MSI2: variants seen among roughly 807,000 people sequenced by gnomAD.
MSI2 encodes RNA-binding protein Musashi homolog 2.
MSI2 carries 17 observed loss-of-function variants against 45.6 expected under a neutral mutation model. The observed-to-expected ratio is 0.37, with a 90% CI of 0.26 to 0.56. The LOEUF (loss-of-function observed/expected upper bound fraction) is 0.56, where lower values mean the gene tolerates loss of function less well. Among genes scored for constraint, MSI2 ranks in the 20% least tolerant of loss-of-function variants. The pLI is 0.77. For missense variants in MSI2, 293 were observed against 444.2 expected, an observed-to-expected ratio of 0.66 and a Z score of 3.06; for synonymous variants, 156 against 158.2, an observed-to-expected ratio of 0.99 and a Z score of 0.11.
intron 5 of MSI2, among the ~76,000 whole-genome samples, chr17:57,396,812 C>T (rs1400890320): frequency 6.6e-6 from 1 of 152,186 alleles, no homozygotes; most frequent in African/African-American, 2.4e-5. Context: ...CACACACGCA[C>T]ACATGCACAC....
chr17:57,350,225 G>GGTGGGTGTGT (rs1555584687), intron 5 of MSI2, among the ~76,000 whole-genome samples: 6 of 146,638 alleles, frequency 4.1e-5, no homozygotes, highest in African/African-American at 1.5e-4. Context: ...CAGAGGTAGG[G>GGTGGGTGTGT]GTGTGTGTGT....
At chr17:57,476,804 C>G (rs1432292897) in intron 6 of MSI2, among the ~76,000 whole-genome samples, 1 of 152,170 alleles carries the variant, frequency 6.6e-6, no homozygotes, top group African/African-American at 2.4e-5. Flanking sequence ...CACAGAGGCT[C>G]CGTCATTTGT....
intron 10 of MSI2, chr17:57,633,050 G>C: frequency 2.9e-6 from 3 of 1,041,480 alleles, no homozygotes; most frequent in Non-Finnish European, 3.5e-6. Flanking sequence ...TAGTATGCTT[G>C]CCTCACAAAC....
the MSI2 span, among the ~76,000 whole-genome samples, chr17:57,691,422 T>C: frequency 6.6e-6 from 1 of 152,206 alleles, no homozygotes; most frequent in Non-Finnish European, 1.5e-5. Context: ...AGGGTTTTAA[T>C]TGTAATTGTG....
At chr17:57,482,717 A>G (rs1025840108) in intron 6 of MSI2, among the ~76,000 whole-genome samples, 1 of 152,090 alleles carries the variant, frequency 6.6e-6, no homozygotes, top group Non-Finnish European at 1.5e-5. Context: ...ACATGTATAG[A>G]TTCCCTGTTT....
intron 7 of MSI2, among the ~76,000 whole-genome samples, chr17:57,595,963 TG>T (rs1407244097): frequency 7.2e-5 from 11 of 152,356 alleles, no homozygotes; most frequent in Admixed American, 6.5e-4. Context: ...TCAGTGTGTC[TG>T]CCCCCATGGC....
At chr17:57,433,052 G>A (rs891535839) in intron 6 of MSI2, among the ~76,000 whole-genome samples, 9 of 152,092 alleles carry the variant, frequency 5.9e-5, no homozygotes, top group Admixed American at 1.3e-4. Context: ...CTCAGTTCAC[G>A]TCCGTGGGCC....
At chr17:57,610,409 G>T (rs182091168) in intron 8 of MSI2, among the ~76,000 whole-genome samples, 1 of 151,918 alleles carries the variant, frequency 6.6e-6, no homozygotes, top group African/African-American at 2.4e-5. Context: ...CTGAGGTCAC[G>T]CCACTGCACT....
intron 6 of MSI2, among the ~76,000 whole-genome samples, chr17:57,511,145 G>A (rs542238034): frequency 6.6e-6 from 1 of 152,344 alleles, no homozygotes; most frequent in African/African-American, 2.4e-5. Flanking sequence ...GAGGGGGTCA[G>A]CCAGCATGGT....
chr17:57,429,738 A>T (rs1244073624), intron 6 of MSI2, among the ~76,000 whole-genome samples: 7 of 1,940 alleles, frequency 3.6e-3, no homozygotes, highest in South Asian at 0.25. Flanking sequence ...AGATAATTAA[A>T]AAAAAAAAAA....
intron 5 of MSI2, among the ~76,000 whole-genome samples, chr17:57,347,664 C>T (rs1351103538): frequency 6.6e-6 from 1 of 152,120 alleles, no homozygotes; most frequent in African/African-American, 2.4e-5. Flanking sequence ...ATTTCTACCC[C>T]CCTGAAAGCA....
chr17:57,661,011 G>A (rs532766617), intron 11 of MSI2, among the ~76,000 whole-genome samples: 6 of 152,302 alleles, frequency 3.9e-5, no homozygotes, highest in East Asian at 3.9e-4. Flanking sequence ...GATTCAAGAC[G>A]CAGGACTGAG....
rs1292639087 is a variant in MSI2 at position 57,407,861 on chromosome 17, T to C, written c.405+6390T>C. On this transcript the variant is annotated intron_variant, in intron 6 of 13. Coordinates refer to ENST00000284073, the MANE Select transcript of MSI2 (RefSeq NM_138962.4). This position sits in a 1 kb window ranked among gnomAD's most constrained non-coding sequence, Gnocchi z 4.1. ...ATCTTCTGCCTGGTTTGTGTCAGCATCTCCCTCTGGAAGTGTGTCATAAGG... is the reference window on the plus strand; with the variant it reads ...ATCTTCTGCCTGGTTTGTGTCAGCACCTCCCTCTGGAAGTGTGTCATAAGG... Among the ~76,000 whole-genome samples, 1 of 152,206 alleles carries C rather than the reference T, an allele frequency of 6.6e-6. No individual in the cohort carries two copies. Among genetic ancestry groups the C allele is most frequent in the Admixed American group, 6.5e-5 (1 of 15,286 alleles).
chr17:57,598,259 A>T (rs2144466080), intron 8 of MSI2, among the ~76,000 whole-genome samples: 1 of 152,262 alleles, frequency 6.6e-6, no homozygotes, highest in Admixed American at 6.5e-5. Context: ...TTTTGTCAAA[A>T]CATTTCTTGC....
chr17:57,395,873 C>T (rs533032097), intron 5 of MSI2, among the ~76,000 whole-genome samples: 1 of 152,320 alleles, frequency 6.6e-6, no homozygotes, highest in South Asian at 2.1e-4. Flanking sequence ...CTCCTAACTA[C>T]CTGCCTTGCC....
chr17:57,527,220 A>G (rs915295892), intron 6 of MSI2, among the ~76,000 whole-genome samples: 1 of 151,712 alleles, frequency 6.6e-6, no homozygotes, highest in Non-Finnish European at 1.5e-5. Context: ...TGGGTGCAAA[A>G]CAGATGTCAC....
intron 7 of MSI2, among the ~76,000 whole-genome samples, chr17:57,569,620 G>T (rs1255404014): frequency 1.3e-5 from 2 of 152,244 alleles, no homozygotes. Flanking sequence ...GCAAGAGGAA[G>T]ATGAAGAATC....
intron 9 of MSI2, among the ~76,000 whole-genome samples, chr17:57,623,975 C>T (rs1330242850): frequency 6.6e-6 from 1 of 152,226 alleles, no homozygotes; most frequent in Non-Finnish European, 1.5e-5. Context: ...GCCGAATTCT[C>T]ATCTTTGTGG....
chr17:57,333,307 A>G (rs531842430), intron 5 of MSI2, among the ~76,000 whole-genome samples: 1 of 152,258 alleles, frequency 6.6e-6, no homozygotes, highest in South Asian at 2.1e-4. Flanking sequence ...ACTTTTTGGA[A>G]TTATTTTTCC....
Sources: allele counts gnomAD v4.1 joint callset (sites outside exome capture counted in the v4.1 genomes callset), GRCh38; gene constraint gnomAD v4.1.1; non-coding constraint Gnocchi (gnomAD v3.1); transcripts MANE v1.5; gene names NCBI Gene and HGNC (gene_info 2026-07-23, HGNC 2026-07-21).